Variants in DCLK3 observed in about 807,000 individuals in gnomAD.
DCLK3 encodes the protein serine/threonine-protein kinase DCLK3.
In DCLK3, 30 loss-of-function variants were observed where a neutral mutation model predicts 46.4. The ratio of observed to expected loss-of-function variants is 0.65; its 90% CI spans 0.48 to 0.88. DCLK3 has a LOEUF of 0.88. DCLK3 is among the 40% of genes least tolerant of loss of function. The pLI is 0.00. For missense variants in DCLK3, 846 were observed against 907.1 expected (o/e 0.93, Z 0.87); for synonymous variants, 401 against 339.2 (o/e 1.18, Z -2.00).
At chr3:36,760,696 C>G (rs1575149377) in intron 1 of DCLK3, among the ~76,000 whole-genome samples, 1 of 152,086 alleles carries the variant, frequency 6.6e-6, no homozygotes, top group Non-Finnish European at 1.5e-5. Flanking sequence ...TAGGCCCCAC[C>G]CTAGACCTCC....
intron 2 of DCLK3, among the ~76,000 whole-genome samples, chr3:36,736,657 G>A (rs1013831680): frequency 3.9e-5 from 6 of 152,204 alleles, no homozygotes; most frequent in African/African-American, 1.4e-4. Flanking sequence ...GGTCCAGCAA[G>A]ATAAAGGACT....
At chr3:36,736,785 T>A (rs1026279581) in intron 2 of DCLK3, among the ~76,000 whole-genome samples, 3 of 152,212 alleles carry the variant, frequency 2.0e-5, no homozygotes, top group South Asian at 2.1e-4. Flanking sequence ...TTTCACCTTT[T>A]GAGCTGCTTA....
intron 1 of DCLK3, among the ~76,000 whole-genome samples, chr3:36,746,212 C>T (rs1434552648): frequency 1.3e-5 from 2 of 152,194 alleles, no homozygotes; most frequent in African/African-American, 4.8e-5. Flanking sequence ...CCCTTAGTGC[C>T]TCCCAGCATA....
rs964011865 is a variant in DCLK3 at position 36,738,984 on chromosome 3, C to T, written c.183G>A (p.Leu61=). Residue 61 remains leucine, a synonymous_variant, in exon 2 of 5, where the codon CTG becomes CTA. Transcript: ENST00000636136. ...CACGCGGCCCCAGGAATGGTTTCTC[C>T]AGATTCCCTCGGCTGGCAGGCAGCC... The part of the protein sequence containing the change: ...GSWLPASRGN[L]EKPFLGPRGP... 1 of 399,174 alleles carries T rather than the reference C, an allele frequency of 2.5e-6. No individual in the cohort carries two copies. The highest frequency in any genetic ancestry group is 2.1e-5 in the African/African-American group (1 of 48,640). 24.7% of individuals were successfully genotyped at this position (399,174 alleles called of 1,614,324 possible).
In DCLK3 at chr3:36,714,790, G is replaced by T. The variant is rs1700953474; in HGVS notation, c.*538C>A. On this transcript the variant is annotated 3_prime_UTR_variant, in exon 5 of 5. Coordinates refer to ENST00000636136, the MANE Select transcript of DCLK3 (RefSeq NM_001394672.2). The stretch of plus-strand genomic sequence containing the variant: ...AGTGCATCCTAAATAAACAGGTCTT[G>T]TCAACTAATCAAGTGTCCTTCACAT... 6.6e-6 allele frequency: 1 copy of T among 152,524 alleles called. No individual in the cohort carries two copies. The highest frequency in any genetic ancestry group is 6.5e-5 in the Admixed American group (1 of 15,338). The allele number at this position is 152,524 out of a possible 1,614,324, so 9.4% of individuals were successfully genotyped here.
chr3:36,734,262 T>C (rs964912777), intron 2 of DCLK3, among the ~76,000 whole-genome samples: 5 of 152,172 alleles, frequency 3.3e-5, no homozygotes, highest in African/African-American at 1.2e-4. Context: ...TACCTCTGTC[T>C]GAAAAACCAA....
At chr3:36,721,285 ACACACACACACACACACATG>A (rs1701051366) in intron 3 of DCLK3, among the ~76,000 whole-genome samples, 1 of 150,984 alleles carries the variant, frequency 6.6e-6, no homozygotes, top group African/African-American at 2.4e-5. Context: ...CAATAAACAC[ACACACACACACACACACATG>A]CACACACACT....
chr3:36,731,470 C>CAG (rs1701198078), intron 2 of DCLK3, among the ~76,000 whole-genome samples: 1 of 152,034 alleles, frequency 6.6e-6, no homozygotes, highest in African/African-American at 2.4e-5. Flanking sequence ...CACACACACA[C>CAG]ACACACACAC....
At chr3:36,748,099 C>G (rs560385500) in intron 1 of DCLK3, among the ~76,000 whole-genome samples, 1 of 152,126 alleles carries the variant, frequency 6.6e-6, no homozygotes, top group Non-Finnish European at 1.5e-5. Flanking sequence ...CAAACTGAGA[C>G]CCAGGATCAC....
chr3:36,758,882 C>G (rs1004614453), intron 1 of DCLK3, among the ~76,000 whole-genome samples: 1 of 152,208 alleles, frequency 6.6e-6, no homozygotes, highest in Non-Finnish European at 1.5e-5. Context: ...AGAACCTGAA[C>G]AACAGCTGTT....
chr3:36,735,479 T>C (rs1701249705), intron 2 of DCLK3, among the ~76,000 whole-genome samples: 2 of 152,224 alleles, frequency 1.3e-5, no homozygotes, highest in Non-Finnish European at 2.9e-5. Flanking sequence ...AATGTAGACC[T>C]CATTTCACTG....
chr3:36,731,725 C>T (rs765771101), intron 2 of DCLK3, among the ~76,000 whole-genome samples: 14 of 152,170 alleles, frequency 9.2e-5, no homozygotes, highest in Non-Finnish European at 1.6e-4. Flanking sequence ...CCACTTCTCC[C>T]CATCTTTACT....
chr3:36,721,504 A>G (rs201015600), intron 3 of DCLK3, 23 bp downstream of exon 3: 12 of 1,612,574 alleles, frequency 7.4e-6, no homozygotes, highest in Non-Finnish European at 9.3e-6. Context: ...CTAGAGTCCC[A>G]CAGATCGATG....
At position 36,713,820 on chromosome 3, in the gene DCLK3, T is replaced by G. The variant is rs1429208185; in HGVS notation, c.*1508A>C. The G allele has an allele frequency of 6.6e-6, 1 of 152,274 alleles. No individual in the cohort carries two copies. The highest frequency in any genetic ancestry group is 1.5e-5 in the Non-Finnish European group (1 of 68,094). The allele number at this position is 152,274 out of a possible 1,614,324, so 9.4% of individuals were successfully genotyped here. A position where few individuals can be genotyped will look rare whatever the true frequency, so the allele number is the denominator to read the frequency against. ...CCGTAGTTGGATGGCCCTTCAGTAT[T>G]GTCCCTGTTTGGGACAAAGGAGCTG... On this transcript the variant is annotated 3_prime_UTR_variant, in exon 5 of 5. Coordinates refer to ENST00000636136, the MANE Select transcript of DCLK3 (RefSeq NM_001394672.2).
chr3:36,754,804 T>C (rs1037311414), intron 1 of DCLK3, among the ~76,000 whole-genome samples: 3 of 152,212 alleles, frequency 2.0e-5, no homozygotes, highest in Non-Finnish European at 2.9e-5. Flanking sequence ...ATTTCAATTC[T>C]AGGACATACC....
At chr3:36,731,278 C>T (rs755888847) in intron 2 of DCLK3, among the ~76,000 whole-genome samples, 5 of 151,996 alleles carry the variant, frequency 3.3e-5, no homozygotes, top group African/African-American at 1.2e-4. Context: ...TTCAACATGC[C>T]GGAAACTGAT....
At chr3:36,740,930 T>C (rs1250427193) in intron 1 of DCLK3, among the ~76,000 whole-genome samples, 1 of 152,236 alleles carries the variant, frequency 6.6e-6, no homozygotes, top group African/African-American at 2.4e-5. Context: ...GTTTTTTGTT[T>C]TTTAATTATA....
chr3:36,739,205 G>T, intron 1 of DCLK3, 121 bp from the exon 2 acceptor site: 1 of 396,364 alleles, frequency 2.5e-6, no homozygotes, highest in Non-Finnish European at 4.4e-6. Context: ...TGTGGTTCCT[G>T]AGAGTCTGTT....
At chr3:36,763,652 A>G (rs182767090) in intron 1 of DCLK3, among the ~76,000 whole-genome samples, 3 of 152,340 alleles carry the variant, frequency 2.0e-5, no homozygotes, top group South Asian at 2.1e-4. Flanking sequence ...CTCCGCTGCT[A>G]TGGAGCCGTG....
Sources: allele counts gnomAD v4.1 joint callset (sites outside exome capture counted in the v4.1 genomes callset), GRCh38; gene constraint gnomAD v4.1.1; transcripts MANE v1.5; gene names NCBI Gene and HGNC (gene_info 2026-07-23, HGNC 2026-07-21).